Variants in ANKRD36 observed in about 807,000 individuals in gnomAD.
ANKRD36 encodes the protein ankyrin repeat domain 36.
A neutral mutation model predicts 278.1 loss-of-function variants in ANKRD36; 179 were observed. That is an observed-to-expected ratio of 0.64 (90% CI 0.57 to 0.73). The LOEUF (loss-of-function observed/expected upper bound fraction) is 0.73. Ranked by LOEUF, ANKRD36 falls within the 30% of genes least tolerant of loss-of-function variation. The pLI, the probability that ANKRD36 is intolerant of heterozygous loss-of-function variation, is 0.00. For synonymous variants in ANKRD36, 320 were observed against 641.1 expected, an observed-to-expected ratio of 0.50 and a Z score of 7.57; for missense variants, 1,159 against 1,956.7, an observed-to-expected ratio of 0.59 and a Z score of 7.69.
Position 97,208,081 on chromosome 2 carries a change from G to C in ANKRD36, c.3265+75G>C, listed in dbSNP as rs1192736585. On this transcript the variant is annotated intron_variant, in intron 54 of 75. Transcript: ENST00000420699. ...AGTTCTCTTCCCTGAATAAATCAGC[G>C]GGGGGCTCGTTGAAGCTGCACATTC... 55 of 1,370,384 alleles carry C rather than the reference G, an allele frequency of 4.0e-5. No individual in the cohort carries two copies. In the African/African-American group the frequency reaches 8.1e-4, roughly 20 times the overall value. The allele number at this position is 1,370,384 out of a possible 1,614,324, so 84.9% of individuals were successfully genotyped here.
At chr2:97,192,359 G>C (rs557558998) in intron 36 of ANKRD36, among the ~76,000 whole-genome samples, 52 of 151,806 alleles carry the variant, frequency 3.4e-4, no homozygotes, top group Non-Finnish European at 4.7e-4. Flanking sequence ...CCCCTGAAGA[G>C]ATGTGAAGTG....
At chr2:97,229,733 C>T (rs546746469) in intron 67 of ANKRD36, among the ~76,000 whole-genome samples, 4 of 152,098 alleles carry the variant, frequency 2.6e-5, no homozygotes, top group African/African-American at 4.8e-5. Flanking sequence ...TTCCTAGTCT[C>T]GATGGTCTTT....
At chr2:97,225,789 C>G (rs1263504311) in intron 67 of ANKRD36, among the ~76,000 whole-genome samples, 1 of 148,744 alleles carries the variant, frequency 6.7e-6, no homozygotes, top group African/African-American at 2.5e-5. Context: ...CCCAACCCCA[C>G]AACAGTCCCC....
chr2:97,216,730 A>T, intron 62 of ANKRD36: 2 of 358,432 alleles, frequency 5.6e-6, no homozygotes, highest in South Asian at 3.0e-5. Context: ...GTACCTTCTC[A>T]GTTATGGGGC....
chr2:97,156,920 G>T (rs2047606001), intron 15 of ANKRD36, among the ~76,000 whole-genome samples: 3 of 151,890 alleles, frequency 2.0e-5, no homozygotes, highest in African/African-American at 7.2e-5. Flanking sequence ...ATTCTAACAG[G>T]TGTGAGATGG....
At chr2:97,201,561 C>A (rs1331054855) in intron 46 of ANKRD36, among the ~76,000 whole-genome samples, 10 of 151,892 alleles carry the variant, frequency 6.6e-5, no homozygotes, top group Admixed American at 5.9e-4. Flanking sequence ...GATGAAGAAA[C>A]TTTTGGAAGT....
At chr2:97,171,648 A>C (rs1370096548) in intron 22 of ANKRD36, among the ~76,000 whole-genome samples, 8 of 147,408 alleles carry the variant, frequency 5.4e-5, no homozygotes, top group Non-Finnish European at 1.0e-4. Context: ...ACATGTATAC[A>C]TATGTAACTA....
At chr2:97,131,897 C>T (rs1018085237) in intron 6 of ANKRD36, among the ~76,000 whole-genome samples, 73 of 151,068 alleles carry the variant, frequency 4.8e-4, no homozygotes, top group Middle Eastern at 3.4e-3. Context: ...GGCACGATCT[C>T]GGCTCACTGC....
chr2:97,220,155 G>T lies in ANKRD36; in HGVS notation c.3877+909G>T, dbSNP rs201629181. 1.2e-3 allele frequency among the ~76,000 whole-genome samples: 172 copies of T among 146,072 alleles called. 1 individual carries two copies. The highest frequency in any genetic ancestry group is 3.9e-3 in the African/African-American group (147 of 37,820). ...TTATGTTTATGGAGTAGATGAGATA[G>T]TTTGATACAGGCATACAATGTGTAA... On this transcript the variant is annotated intron_variant, in intron 66 of 75. Transcript: ENST00000420699.
chr2:97,163,434 A>G (rs987465114), intron 18 of ANKRD36: 1 of 368,542 alleles, frequency 2.7e-6, no homozygotes, highest in African/African-American at 2.1e-5. Context: ...AGAGAACTAA[A>G]GTTGAGAATC....
chr2:97,211,615 T>C (rs761399481), intron 57 of ANKRD36, 41 bp downstream of exon 57: 69 of 1,597,782 alleles, frequency 4.3e-5, no homozygotes, highest in Non-Finnish European at 5.5e-5. Context: ...ATTAACTGTA[T>C]AGTATATGAA....
intron 18 of ANKRD36, 22 bp from the exon 19 acceptor site, chr2:97,164,261 A>G: frequency 2.2e-6 from 3 of 1,385,258 alleles, no homozygotes; most frequent in South Asian, 1.3e-5. Flanking sequence ...GTAGTCAATT[A>G]TGTGTTCCTT....
intron 6 of ANKRD36, among the ~76,000 whole-genome samples, chr2:97,137,486 G>A (rs941608465): frequency 5.9e-5 from 9 of 151,550 alleles, no homozygotes; most frequent in Non-Finnish European, 1.0e-4. Flanking sequence ...GTCTTGCTAT[G>A]TTGCCCAGTC....
chr2:97,223,908 CAT>C (rs1243611982), intron 66 of ANKRD36, among the ~76,000 whole-genome samples: 1 of 123,046 alleles, frequency 8.1e-6, no homozygotes, highest in Non-Finnish European at 1.6e-5. Flanking sequence ...ACCTTAACTA[CAT>C]ATGTTATAAA....
At position 97,142,828 on chromosome 2, in the gene ANKRD36, T is replaced by C. The variant is rs2043259653; in HGVS notation, c.894T>C (p.Ser298=). 1.3e-6 allele frequency: 2 copies of C among 1,559,774 alleles called. No individual in the cohort carries two copies. Among genetic ancestry groups the C allele is most frequent in the Non-Finnish European group, 8.7e-7 (1 of 1,152,410 alleles). ...IATEIKDGQK[S]GTVSSQKQPA... is the part of the protein sequence containing the mutation. ...CAGAAATAAAGGATGGACAAAAATCTGGGACAGGTATTTTGGAATACACAT... is the reference window on the plus strand; with the variant it reads ...CAGAAATAAAGGATGGACAAAAATCCGGGACAGGTATTTTGGAATACACAT... The change falls in exon 8 of 76, where the codon TCT becomes TCC. Residue 298 remains serine, a synonymous_variant. Transcript: ENST00000420699.
intron 42 of ANKRD36, among the ~76,000 whole-genome samples, chr2:97,197,493 T>C (rs1006085773): frequency 2.0e-5 from 3 of 151,942 alleles, no homozygotes; most frequent in African/African-American, 7.2e-5. Flanking sequence ...ATTTTAGTTA[T>C]AGAAATGAGA....
chr2:97,194,473 G>A (rs1286568310), intron 38 of ANKRD36, among the ~76,000 whole-genome samples: 1 of 151,476 alleles, frequency 6.6e-6, no homozygotes, highest in Non-Finnish European at 1.5e-5. Flanking sequence ...GGATTGACAC[G>A]GTTTTATTTT....
chr2:97,206,295 C>G (rs2062834289), intron 52 of ANKRD36, among the ~76,000 whole-genome samples, 160 bp downstream of exon 52: 1 of 151,378 alleles, frequency 6.6e-6, no homozygotes. Flanking sequence ...GCTGATGCTG[C>G]TGGTCTGGAA....
intron 8 of ANKRD36, among the ~76,000 whole-genome samples, 165 bp downstream of exon 8, chr2:97,143,000 C>T (rs1455436074): frequency 1.3e-5 from 2 of 151,736 alleles, no homozygotes; most frequent in African/African-American, 4.8e-5. Flanking sequence ...GCTACTGGTC[C>T]TTGGCCATGA....
Sources: allele counts gnomAD v4.1 joint callset (sites outside exome capture counted in the v4.1 genomes callset), GRCh38; gene constraint gnomAD v4.1.1; transcripts MANE v1.5; gene names NCBI Gene and HGNC (gene_info 2026-07-23, HGNC 2026-07-21).